ADISSP: variants seen among roughly 807,000 people sequenced by gnomAD.
The protein encoded by ADISSP is adipose-secreted signaling protein.
At chr20:3,754,494 C>T in the ADISSP span, 1,251 of 1,613,984 alleles carry the variant, frequency 7.8e-4, 24 homozygotes, top group East Asian at 0.025. Context: ...CTTTGTGCGC[C>T]GAGTACTCAC....
the ADISSP span, chr20:3,754,443 A>G: frequency 6.2e-7 from 1 of 1,614,044 alleles, no homozygotes; most frequent in Non-Finnish European, 8.5e-7. Flanking sequence ...TGCCAGTGCC[A>G]CCTTCGCAGG....
At chr20:3,760,877 C>T in the ADISSP span, among the ~76,000 whole-genome samples, 6 of 152,150 alleles carry the variant, frequency 3.9e-5, no homozygotes, top group African/African-American at 1.4e-4. Flanking sequence ...ATGGGCCGAG[C>T]TGGGACCATC....
the ADISSP span, chr20:3,768,275 AG>A: frequency 6.6e-6 from 1 of 152,166 alleles, no homozygotes; most frequent in African/African-American, 2.4e-5. Context: ...TTTCGACCCC[AG>A]GGTTTGGACC....
the ADISSP span, chr20:3,755,507 A>C: frequency 1.2e-6 from 2 of 1,612,964 alleles, no homozygotes; most frequent in Non-Finnish European, 1.7e-6. Flanking sequence ...CTTGAGGTGC[A>C]GGCTGGGGAC....
the ADISSP span, among the ~76,000 whole-genome samples, chr20:3,757,772 G>GCA: frequency 9.2e-5 from 14 of 152,258 alleles, 1 homozygote; most frequent in South Asian, 1.2e-3. Context: ...GGGACTACAG[G>GCA]CGTGCGCCAC....
At chr20:3,757,362 A>C in the ADISSP span, among the ~76,000 whole-genome samples, 2 of 152,138 alleles carry the variant, frequency 1.3e-5, no homozygotes, top group Non-Finnish European at 2.9e-5. Context: ...GAAAAAAAAA[A>C]GCTGAAATAA....
chr20:3,761,112 A>T, the ADISSP span, among the ~76,000 whole-genome samples: 1 of 152,198 alleles, frequency 6.6e-6, no homozygotes, highest in Non-Finnish European at 1.5e-5. Flanking sequence ...CTTTCTTGTA[A>T]CCAAATTGCC....
the ADISSP span, among the ~76,000 whole-genome samples, chr20:3,757,503 G>A: frequency 6.6e-6 from 1 of 152,166 alleles, no homozygotes; most frequent in Non-Finnish European, 1.5e-5. Context: ...TTGCAATGAG[G>A]GGAGAGAGCT....
the ADISSP span, among the ~76,000 whole-genome samples, chr20:3,764,334 T>G: frequency 0.016 from 2,449 of 152,322 alleles, 36 homozygotes; most frequent in Non-Finnish European, 0.025. Context: ...ACTGCACCAG[T>G]GGCTGGTGAG....
the ADISSP span, among the ~76,000 whole-genome samples, chr20:3,757,576 A>G: frequency 6.6e-6 from 1 of 152,142 alleles, no homozygotes. Flanking sequence ...TAGGACAAAG[A>G]GTGGGAACTT....
the ADISSP span, among the ~76,000 whole-genome samples, chr20:3,764,132 C>T: frequency 5.9e-4 from 90 of 152,304 alleles, no homozygotes; most frequent in African/African-American, 2.0e-3. Flanking sequence ...CTGCCGTAAC[C>T]GCCCCCCGAC....
chr20:3,758,763 G>T, the ADISSP span: 1 of 1,290,000 alleles, frequency 7.8e-7, no homozygotes, highest in Non-Finnish European at 1.1e-6. The surrounding 1 kb of genome is among the most constrained non-coding windows in gnomAD (Gnocchi z 5.5). Flanking sequence ...CCCCAAGACT[G>T]CCCTTGACAT....
chr20:3,759,973 GCA>G, the ADISSP span: 928,582 of 1,345,084 alleles, frequency 0.69, 302,973 homozygotes, highest in African/African-American at 0.92. This position sits in a 1 kb window ranked among gnomAD's most constrained non-coding sequence, Gnocchi z 4.6. Context: ...ACTCACACAT[GCA>G]CACACACACA....
chr20:3,764,153 C>T, the ADISSP span, among the ~76,000 whole-genome samples: 2 of 152,150 alleles, frequency 1.3e-5, no homozygotes, highest in African/African-American at 4.8e-5. Context: ...TACAGCTGCC[C>T]CCAAAGCTGT....
chr20:3,764,214 T>C, the ADISSP span, among the ~76,000 whole-genome samples: 1 of 152,120 alleles, frequency 6.6e-6, no homozygotes, highest in Non-Finnish European at 1.5e-5. Context: ...GAGGCCCTCC[T>C]ATCCTGCAGA....
chr20:3,754,145 G>T, the ADISSP span: 6 of 1,611,504 alleles, frequency 3.7e-6, no homozygotes, highest in Non-Finnish European at 5.1e-6. Context: ...GCATGGGCGT[G>T]CCGTGGTGCC....
chr20:3,761,916 C>T, the ADISSP span, among the ~76,000 whole-genome samples: 274 of 152,342 alleles, frequency 1.8e-3, 3 homozygotes, highest in African/African-American at 6.0e-3. Context: ...AGCAATGAGA[C>T]GAGCCCAGAA....
At chr20:3,765,139 A>C in the ADISSP span, among the ~76,000 whole-genome samples, 4 of 152,196 alleles carry the variant, frequency 2.6e-5, no homozygotes, top group African/African-American at 4.8e-5. Flanking sequence ...GGGAAAACCA[A>C]ACCTCCTTTC....
chr20:3,753,884 G>A, the ADISSP span: 1 of 614,186 alleles, frequency 1.6e-6, no homozygotes, highest in Non-Finnish European at 2.9e-6. Flanking sequence ...GGAGGACGAG[G>A]GAGGGGCAGG....
Sources: allele counts gnomAD v4.1 joint callset (sites outside exome capture counted in the v4.1 genomes callset), GRCh38; gene constraint gnomAD v4.1.1; non-coding constraint Gnocchi (gnomAD v3.1); transcripts MANE v1.5; gene names NCBI Gene and HGNC (gene_info 2026-07-23, HGNC 2026-07-21).